The following ERC1 variants were observed in gnomAD, a reference collection of about 807,000 sequenced individuals.
The protein encoded by ERC1 is ELKS/RAB6-interacting/CAST family member 1.
A neutral mutation model predicts 132.0 loss-of-function variants in ERC1; 56 were observed. The ratio of observed to expected loss-of-function variants is 0.42; its 90% CI spans 0.34 to 0.53. The LOEUF is 0.53. Ranked by LOEUF, ERC1 falls within the 20% of genes least tolerant of loss-of-function variation. The probability of loss-of-function intolerance (pLI) is 0.03; values close to 1 mark genes in which losing one functional copy is unlikely to be tolerated. For missense variants in ERC1, 1,202 were observed against 1,349.9 expected (o/e 0.89, Z 1.72); for synonymous variants, 478 against 476.1 (o/e 1.00, Z -0.05).
At chr12:1,112,154 G>A in intron 5 of ERC1, 61 bp from the exon 6 acceptor site, 1 of 1,127,976 alleles carries the variant, frequency 8.9e-7, no homozygotes, top group Non-Finnish European at 1.3e-6. Flanking sequence ...TGCCTCAAAA[G>A]TAGACAAGAA....
chr12:1,007,640 G>T (rs1963964014), intron 1 of ERC1, among the ~76,000 whole-genome samples: 1 of 151,914 alleles, frequency 6.6e-6, no homozygotes, highest in African/African-American at 2.4e-5. Context: ...CAGACTTTCA[G>T]ATGGAACCCC....
At chr12:1,374,616 A>C (rs538692371) in intron 16 of ERC1, among the ~76,000 whole-genome samples, 1 of 152,346 alleles carries the variant, frequency 6.6e-6, no homozygotes, top group African/African-American at 2.4e-5. Context: ...GTAAACTCCG[A>C]TAGAACCCTG....
chr12:1,429,967 G>C, intron 17 of ERC1, among the ~76,000 whole-genome samples: 1 of 152,186 alleles, frequency 6.6e-6, no homozygotes, highest in East Asian at 1.9e-4. Context: ...TGGTTTCTAT[G>C]TGCCAGGAAT....
At chr12:1,304,829 G>T (rs1490271290) in intron 15 of ERC1, among the ~76,000 whole-genome samples, 1 of 117,356 alleles carries the variant, frequency 8.5e-6, no homozygotes, top group Non-Finnish European at 1.6e-5. Context: ...TCGCTCTGCT[G>T]CCCGGGCTGG....
chr12:1,224,132 CCCA>C (rs2074370178), intron 12 of ERC1, among the ~76,000 whole-genome samples: 1 of 152,150 alleles, frequency 6.6e-6, no homozygotes. Context: ...TATATCTCTT[CCCA>C]GAGAAACAGT....
In ERC1 at chr12:1,494,713, T is replaced by C. The variant is rs2094345553; in HGVS notation, c.*4483T>C. On this transcript the variant is annotated 3_prime_UTR_variant, in exon 19 of 19. Transcript: ENST00000360905. ...CCACCTCCTCTCTTCTTTCTCTGCT[T>C]GTCGATATTGTCTGTGTGATTCAGA... 4.3e-6 allele frequency: 1 copy of C among 231,228 alleles called. No homozygotes were observed. The highest frequency in any genetic ancestry group is 8.6e-6 in the Non-Finnish European group (1 of 116,810). The allele number at this position is 231,228 out of a possible 1,614,324, so 14.3% of individuals were successfully genotyped here.
At chr12:1,168,873 T>C (rs530702847) in intron 8 of ERC1, among the ~76,000 whole-genome samples, 4 of 152,362 alleles carry the variant, frequency 2.6e-5, no homozygotes, top group African/African-American at 9.6e-5. Context: ...CTTTTGACAG[T>C]CTGATGAAAG....
intron 12 of ERC1, among the ~76,000 whole-genome samples, chr12:1,197,863 A>G (rs1594150216): frequency 6.6e-6 from 1 of 152,282 alleles, no homozygotes; most frequent in East Asian, 1.9e-4. Flanking sequence ...CCCAGAATGT[A>G]GTAGTATCAG....
chr12:1,256,679 A>G (rs1238106162), intron 13 of ERC1, among the ~76,000 whole-genome samples: 4 of 150,892 alleles, frequency 2.7e-5, no homozygotes, highest in African/African-American at 9.8e-5. Context: ...TGCAGAGTTT[A>G]TTCTGAATAA....
chr12:1,050,840 C>CA (rs2154168134), intron 2 of ERC1, among the ~76,000 whole-genome samples: 1 of 152,032 alleles, frequency 6.6e-6, no homozygotes, highest in East Asian at 1.9e-4. Flanking sequence ...CCCATCTCTA[C>CA]AAAAAAATGC....
intron 18 of ERC1, among the ~76,000 whole-genome samples, chr12:1,483,062 C>T (rs1454824256): frequency 1.5e-4 from 23 of 152,142 alleles, no homozygotes; most frequent in Non-Finnish European, 2.8e-4. Flanking sequence ...TTTGGGAGAC[C>T]AAGGTGGGCA....
rs112544167 is a variant in ERC1 at position 1,109,706 on chromosome 12, A to G, written c.1162-486A>G. On this transcript the variant is annotated intron_variant, in intron 4 of 18. Coordinates refer to ENST00000360905, the MANE Select transcript of ERC1 (RefSeq NM_178040.4). ...ATAGAAGAAAAATCATACTGTGGAT[A>G]TGAGTGCTTCTCCTCCCACTCAAAT... Among the ~76,000 whole-genome samples the G allele has an allele frequency of 3.9e-3, 593 of 152,306 alleles. 1 individual carries two copies. The highest frequency in any genetic ancestry group is 0.014 in the African/African-American group (563 of 41,560).
At chr12:1,044,726 A>G (rs1379408565) in intron 2 of ERC1, among the ~76,000 whole-genome samples, 5 of 152,170 alleles carry the variant, frequency 3.3e-5, no homozygotes, top group Admixed American at 3.3e-4. Flanking sequence ...CATGGGACCT[A>G]TAAAATTTTT....
intron 16 of ERC1, among the ~76,000 whole-genome samples, chr12:1,395,670 G>A (rs932424940): frequency 6.7e-6 from 1 of 149,286 alleles, no homozygotes; most frequent in African/African-American, 2.5e-5. Flanking sequence ...TGGGTTATGT[G>A]TCTGGGTTAT....
At chr12:1,043,425 G>A (rs1358809360) in intron 2 of ERC1, among the ~76,000 whole-genome samples, 3 of 152,122 alleles carry the variant, frequency 2.0e-5, no homozygotes, top group African/African-American at 7.2e-5. Context: ...ATTTCTCTTG[G>A]TATTTCTGAT....
rs1322619727 is a variant in ERC1 at position 1,204,635 on chromosome 12, G to C, written c.2351+14583G>C. 4 of 923,184 alleles carry C rather than the reference G, an allele frequency of 4.3e-6. No individual in the cohort carries two copies. The East Asian group carries it at 7.9e-5, about 18-fold the overall frequency. The allele number at this position is 923,184 out of a possible 1,614,324, so 57.2% of individuals were successfully genotyped here. On this transcript the variant is annotated intron_variant, in intron 12 of 18. Coordinates refer to ENST00000360905, the MANE Select transcript of ERC1 (RefSeq NM_178040.4). ...GGGATATCTAGAAATCTAGCTGTGA[G>C]GATAAAATGTCAAGGGTATTGGGTT... is the stretch of plus-strand genomic sequence containing the variant.
intron 14 of ERC1, among the ~76,000 whole-genome samples, chr12:1,276,550 T>G (rs1260802468): frequency 6.6e-6 from 1 of 152,004 alleles, no homozygotes; most frequent in Non-Finnish European, 1.5e-5. Flanking sequence ...CTCATGTTTT[T>G]CAACTGCACT....
chr12:1,490,471 T>C lies in ERC1; in HGVS notation c.*241T>C. 2.2e-6 allele frequency: 1 copy of C among 458,712 alleles called. No individual in the cohort carries two copies. Among genetic ancestry groups the C allele is most frequent in the Non-Finnish European group, 3.9e-6 (1 of 253,980 alleles). The allele number at this position is 458,712 out of a possible 1,614,324, so 28.4% of individuals were successfully genotyped here. A position where few individuals can be genotyped will look rare whatever the true frequency, so the allele number is the denominator to read the frequency against. ...TCCAGGGTAGATAAAGGGTCGAATCTCTCTGAAGAACTGCCACCTGGTCAT... is the reference window on the plus strand; with the variant it reads ...TCCAGGGTAGATAAAGGGTCGAATCCCTCTGAAGAACTGCCACCTGGTCAT... On this transcript the variant is annotated 3_prime_UTR_variant, in exon 19 of 19. Transcript: ENST00000360905.
chr12:1,079,342 A>G (rs1941868251), intron 2 of ERC1, among the ~76,000 whole-genome samples: 1 of 143,986 alleles, frequency 6.9e-6, no homozygotes, highest in Non-Finnish European at 1.5e-5. Flanking sequence ...AAGTCGATAT[A>G]CAGAGATACA....
Sources: allele counts gnomAD v4.1 joint callset (sites outside exome capture counted in the v4.1 genomes callset), GRCh38; gene constraint gnomAD v4.1.1; transcripts MANE v1.5; gene names NCBI Gene and HGNC (gene_info 2026-07-23, HGNC 2026-07-21).